The following SCN2A variants were observed in gnomAD, a reference collection of about 807,000 sequenced individuals.
SCN2A encodes sodium voltage-gated channel alpha subunit 2.
In SCN2A, 20 loss-of-function variants were observed where a neutral mutation model predicts 188.7. The observed-to-expected ratio is 0.11, with a 90% confidence interval of 0.07 to 0.15. The LOEUF is 0.15. Among genes scored for constraint, SCN2A ranks in the 10% least tolerant of loss-of-function variants. SCN2A has a pLI of 1.00. For synonymous variants in SCN2A, 804 were observed against 833.1 expected (o/e 0.97, Z 0.60); for missense variants, 1,278 against 2,445.0 (o/e 0.52, Z 10.07).
chr2:165,271,935 G>T (rs1695122561), intron 1 of SCN2A: 2 of 151,702 alleles, frequency 1.3e-5, no homozygotes, highest in African/African-American at 4.8e-5. Context: ...TCCTATATAA[G>T]TATGTTATAA....
chr2:165,259,652 T>C (rs1694485256), intron 1 of SCN2A, among the ~76,000 whole-genome samples: 1 of 152,210 alleles, frequency 6.6e-6, no homozygotes. Context: ...TTGAGTCACA[T>C]TTTCAGGCTT....
At chr2:165,338,154 C>T (rs1699099930) in intron 14 of SCN2A, among the ~76,000 whole-genome samples, 1 of 151,892 alleles carries the variant, frequency 6.6e-6, no homozygotes, top group South Asian at 2.1e-4. Flanking sequence ...TGAGAACATG[C>T]AGTATTTGGT....
chr2:165,352,804 T>A (rs1344100064), intron 16 of SCN2A, among the ~76,000 whole-genome samples: 2 of 152,242 alleles, frequency 1.3e-5, no homozygotes, highest in Non-Finnish European at 2.9e-5. Flanking sequence ...CTTGTCATTA[T>A]GTACATGCAA....
intron 8 of SCN2A, among the ~76,000 whole-genome samples, chr2:165,313,374 T>G (rs530082360): frequency 6.6e-6 from 1 of 152,266 alleles, no homozygotes; most frequent in South Asian, 2.1e-4. Flanking sequence ...TGCTTTTATA[T>G]GGAGACATAA....
At chr2:165,311,127 T>A (rs2105249104) in intron 7 of SCN2A, among the ~76,000 whole-genome samples, 1 of 151,978 alleles carries the variant, frequency 6.6e-6, no homozygotes, top group Admixed American at 6.6e-5. Flanking sequence ...TTCTAATTAG[T>A]CCCTTTAGTG....
intron 14 of SCN2A, 134 bp from the exon 15 acceptor site, chr2:165,342,162 T>G (rs1290325639): frequency 2.8e-6 from 2 of 714,390 alleles, no homozygotes; most frequent in Non-Finnish European, 4.8e-6. Context: ...TTGTAGATAC[T>G]AAGTTGTTGG....
chr2:165,268,037 T>C (rs1694949154), intron 1 of SCN2A: 1 of 151,888 alleles, frequency 6.6e-6, no homozygotes, highest in African/African-American at 2.4e-5. Flanking sequence ...AATATGTAAA[T>C]TCCTCAAAAA....
intron 23 of SCN2A, among the ~76,000 whole-genome samples, chr2:165,378,215 GAAA>G (rs58765904): frequency 3.0e-5 from 4 of 133,798 alleles, no homozygotes; most frequent in Admixed American, 7.4e-5. Flanking sequence ...GTCACATTTT[GAAA>G]AAAAAAAAAA....
chr2:165,259,126 T>A (rs187420703), intron 1 of SCN2A, among the ~76,000 whole-genome samples: 8 of 152,376 alleles, frequency 5.3e-5, no homozygotes, highest in African/African-American at 1.4e-4. Flanking sequence ...TATAGTTTAT[T>A]AAGTATGTAA....
intron 1 of SCN2A, among the ~76,000 whole-genome samples, chr2:165,284,324 C>T (rs1695730689): frequency 6.6e-6 from 1 of 152,012 alleles, no homozygotes; most frequent in African/African-American, 2.4e-5. Context: ...GTGCCCGCCA[C>T]CACACCTGGC....
At chr2:165,318,793 C>A (rs1352308732) in intron 11 of SCN2A, among the ~76,000 whole-genome samples, 10 of 152,050 alleles carry the variant, frequency 6.6e-5, no homozygotes, top group Non-Finnish European at 1.5e-4. Context: ...TAATGAGGAG[C>A]AGTATGTCAC....
At position 165,380,030 on chromosome 2, in the gene SCN2A, T is replaced by G. The variant is rs140851341; in HGVS notation, c.4309-562T>G. On this transcript the variant is annotated intron_variant, in intron 23 of 26. Coordinates refer to ENST00000375437, the MANE Select transcript of SCN2A (RefSeq NM_001040142.2). ...CAACCTATATACCTACATGCAGACCTACTACAATGATTCTTGCCTATCTAA... is the reference window on the plus strand; with the variant it reads ...CAACCTATATACCTACATGCAGACCGACTACAATGATTCTTGCCTATCTAA... 4.9e-3 allele frequency among the ~76,000 whole-genome samples: 749 copies of G among 151,966 alleles called. 13 individuals carry two copies. The highest frequency in any genetic ancestry group is 0.016 in the African/African-American group (674 of 41,530).
chr2:165,326,425 T>C (rs1305431217), intron 12 of SCN2A, among the ~76,000 whole-genome samples: 2 of 152,214 alleles, frequency 1.3e-5, no homozygotes, highest in East Asian at 3.8e-4. Context: ...CTGATGCATA[T>C]GAAGGAGACT....
intron 14 of SCN2A, among the ~76,000 whole-genome samples, chr2:165,340,171 T>A (rs2060199): frequency 0.55 from 83,868 of 152,008 alleles, 23,374 homozygotes; most frequent in Admixed American, 0.63. Flanking sequence ...AAAAGCTAAA[T>A]CAATAAAACA....
At chr2:165,380,768 A>G in intron 24 of SCN2A, 39 bp downstream of exon 24, 1 of 1,449,124 alleles carries the variant, frequency 6.9e-7, no homozygotes, top group Non-Finnish European at 9.6e-7. Flanking sequence ...CTGAAATATG[A>G]ACTAAATATT....
At chr2:165,291,549 C>T (rs1421213213) in intron 1 of SCN2A, among the ~76,000 whole-genome samples, 36 of 106,148 alleles carry the variant, frequency 3.4e-4, no homozygotes, top group Middle Eastern at 3.8e-3. Context: ...TCCTTCCTTC[C>T]TTCCTTCCTT....
At chr2:165,342,642 T>C (rs907636992) in intron 15 of SCN2A, among the ~76,000 whole-genome samples, 173 bp downstream of exon 15, 3 of 152,230 alleles carry the variant, frequency 2.0e-5, no homozygotes, top group African/African-American at 7.2e-5. Context: ...ATAGCTTTAA[T>C]AAAGTTCACT....
intron 1 of SCN2A, chr2:165,267,318 C>A (rs770628687): frequency 2.6e-4 from 39 of 151,860 alleles, no homozygotes; most frequent in Non-Finnish European, 5.2e-4. Context: ...TGGAACAGAA[C>A]CAAAAGCCCA....
intron 1 of SCN2A, among the ~76,000 whole-genome samples, chr2:165,241,504 T>G (rs1574419876): frequency 6.6e-6 from 1 of 152,304 alleles, no homozygotes; most frequent in East Asian, 1.9e-4. Flanking sequence ...GGCACAGGCT[T>G]TACCCTACTT....
Sources: allele counts gnomAD v4.1 joint callset (sites outside exome capture counted in the v4.1 genomes callset), GRCh38; gene constraint gnomAD v4.1.1; transcripts MANE v1.5; gene names NCBI Gene and HGNC (gene_info 2026-07-23, HGNC 2026-07-21).